FAM169A: variants seen among roughly 807,000 people sequenced by gnomAD.
FAM169A encodes the protein soluble lamin-associated protein of 75 kDa.
Under a neutral mutation model 75.7 loss-of-function variants are expected in FAM169A, and 24 were observed. The ratio of observed to expected loss-of-function variants is 0.32; its 90% confidence interval spans 0.23 to 0.45. The LOEUF (loss-of-function observed/expected upper bound fraction) is 0.45. Ranked by LOEUF, FAM169A falls within the 20% of genes least tolerant of loss-of-function variation. The pLI is 1.00. For missense variants in FAM169A, 673 were observed against 784.0 expected, an observed-to-expected ratio of 0.86 and a Z score of 1.69; for synonymous variants, 271 against 271.0, an observed-to-expected ratio of 1.00 and a Z score of 0.00.
chr5:74,779,257 G>C lies in FAM169A; in HGVS notation c.*2203C>G, dbSNP rs965328020. The C allele has an allele frequency of 6.6e-6, 1 of 152,090 alleles. No individual in the cohort carries two copies. 9.4% of individuals were successfully genotyped at this position (152,090 alleles called of 1,614,324 possible). On this transcript the variant is annotated 3_prime_UTR_variant, in exon 13 of 13. Transcript: ENST00000687041. The stretch of plus-strand genomic sequence containing the variant: ...ACTATATTCACACATCAAGAGTTGA[G>C]CCAGTGAGCTCAATCTTTAAAAAAC...
At chr5:74,810,819 C>CTTT (rs59139246) in intron 6 of FAM169A, among the ~76,000 whole-genome samples, 7 of 115,208 alleles carry the variant, frequency 6.1e-5, no homozygotes, top group Admixed American at 2.9e-4. Context: ...GATATTTGCC[C>CTTT]TTTTTTTTTT....
At chr5:74,827,075 C>CCTT (rs1748068084) in intron 5 of FAM169A, among the ~76,000 whole-genome samples, 1 of 151,960 alleles carries the variant, frequency 6.6e-6, no homozygotes, top group African/African-American at 2.4e-5. Flanking sequence ...GATACTGTGC[C>CCTT]CTTCTCAGTA....
At chr5:74,806,391 TAAATTCTAAAC>T (rs942718101) in intron 6 of FAM169A, among the ~76,000 whole-genome samples, 3 of 152,166 alleles carry the variant, frequency 2.0e-5, no homozygotes, top group African/African-American at 7.2e-5. Context: ...CACATCAACA[TAAATTCTAAAC>T]AAATTCTAAG....
chr5:74,849,309 T>C (rs1749319295), intron 1 of FAM169A, among the ~76,000 whole-genome samples: 1 of 152,190 alleles, frequency 6.6e-6, no homozygotes, highest in Admixed American at 6.6e-5. Context: ...TATATTATTG[T>C]GATTTTTTCC....
rs186011226 is a variant in FAM169A, at chr5:74,804,165, C to T, written c.912+328G>A. 1.5e-3 allele frequency among the ~76,000 whole-genome samples: 227 copies of T among 151,812 alleles called. 2 individuals carry two copies. Among genetic ancestry groups the T allele is most frequent in the Non-Finnish European group, 2.4e-3 (160 of 67,868 alleles). On this transcript the variant is annotated intron_variant, in intron 8 of 12. Transcript: ENST00000687041. ...ATACAGATACATGCTTTATAATATGCGATATTAAATATATATGCAAAAATT... is the reference window on the plus strand; with the variant it reads ...ATACAGATACATGCTTTATAATATGTGATATTAAATATATATGCAAAAATT...
intron 5 of FAM169A, among the ~76,000 whole-genome samples, chr5:74,816,710 T>C (rs1747489775): frequency 6.6e-6 from 1 of 152,346 alleles, no homozygotes; most frequent in Non-Finnish European, 1.5e-5. Flanking sequence ...AAGCAAAAAC[T>C]ATAACCTGCT....
intron 5 of FAM169A, among the ~76,000 whole-genome samples, chr5:74,818,570 GC>G (rs547390121): frequency 2.5e-5 from 2 of 80,786 alleles, no homozygotes; most frequent in Admixed American, 1.3e-4. Context: ...CCCAGACCCC[GC>G]CCCCCCCACC....
intron 5 of FAM169A, among the ~76,000 whole-genome samples, chr5:74,819,997 T>A: frequency 7.0e-6 from 1 of 143,018 alleles, no homozygotes; most frequent in East Asian, 1.9e-4. Flanking sequence ...TGTATCCTTT[T>A]TTTTTTTTTT....
intron 11 of FAM169A, among the ~76,000 whole-genome samples, chr5:74,795,075 T>A (rs960802743): frequency 1.3e-5 from 2 of 151,948 alleles, no homozygotes; most frequent in African/African-American, 4.8e-5. Context: ...CTGGCCAAAG[T>A]GGTGAAACCC....
chr5:74,805,102 A>C, intron 7 of FAM169A, 54 bp downstream of exon 7: 1 of 1,534,024 alleles, frequency 6.5e-7, no homozygotes, highest in Non-Finnish European at 9.0e-7. Flanking sequence ...CAGCAAGGAC[A>C]GGCTACCAAA....
At position 74,816,474 on chromosome 5, in the gene FAM169A, T is replaced by C. The variant is rs139768208; in HGVS notation, c.491-2455A>G. On this transcript the variant is annotated intron_variant, in intron 5 of 12. Transcript: ENST00000687041. ...TGGCCAGTTTATGGAACAAGCAGTG[T>C]GTTCACAACATTTAAATTTCTTCTA... Among the ~76,000 whole-genome samples, 349 of 152,316 alleles carry C rather than the reference T, an allele frequency of 2.3e-3. 1 individual carries two copies. The highest frequency in any genetic ancestry group is 4.2e-3 in the Non-Finnish European group (283 of 68,026).
chr5:74,803,877 G>A (rs1383959711), intron 8 of FAM169A, among the ~76,000 whole-genome samples: 1 of 152,134 alleles, frequency 6.6e-6, no homozygotes, highest in African/African-American at 2.4e-5. Context: ...AAATTTGTAT[G>A]TTAAGATAAG....
intron 10 of FAM169A, among the ~76,000 whole-genome samples, chr5:74,797,966 T>C (rs1048865772): frequency 2.0e-5 from 3 of 152,186 alleles, no homozygotes; most frequent in Admixed American, 1.3e-4. Flanking sequence ...ACAAAAAAAT[T>C]TTATTCACAA....
chr5:74,850,424 T>C (rs16872334), intron 1 of FAM169A, among the ~76,000 whole-genome samples: 3,656 of 152,298 alleles, frequency 0.024, 147 homozygotes, highest in African/African-American at 0.084. Flanking sequence ...AGGAAAATAC[T>C]CCTAGATAAG....
intron 1 of FAM169A, among the ~76,000 whole-genome samples, chr5:74,842,535 CTTTTTTT>C (rs559380991): frequency 2.4e-5 from 2 of 84,632 alleles, no homozygotes; most frequent in Non-Finnish European, 4.9e-5. Flanking sequence ...TAGCTTTTTT[CTTTTTTT>C]TTTTTTTGAG....
chr5:74,840,203 AAC>A, intron 2 of FAM169A, 30 bp from the exon 3 acceptor site: 1 of 1,039,618 alleles, frequency 9.6e-7, no homozygotes, highest in Non-Finnish European at 1.4e-6. Context: ...AAGATTAGTG[AAC>A]AGTCTGTTAA....
At chr5:74,827,475 T>C (rs1404715465) in intron 5 of FAM169A, among the ~76,000 whole-genome samples, 1 of 152,046 alleles carries the variant, frequency 6.6e-6, no homozygotes, top group African/African-American at 2.4e-5. Flanking sequence ...AAGAATATAT[T>C]TGTATATAAA....
At chr5:74,834,862 T>G (rs1384463540) in intron 4 of FAM169A, among the ~76,000 whole-genome samples, 1 of 152,126 alleles carries the variant, frequency 6.6e-6, no homozygotes, top group Admixed American at 6.5e-5. Flanking sequence ...AGGTCCCCAA[T>G]GTACCAATCC....
At chr5:74,850,880 T>C (rs1749406903) in intron 1 of FAM169A, among the ~76,000 whole-genome samples, 1 of 152,154 alleles carries the variant, frequency 6.6e-6, no homozygotes. Flanking sequence ...CCACTTCTTT[T>C]TTTGAAAAAA....
Sources: allele counts gnomAD v4.1 joint callset (sites outside exome capture counted in the v4.1 genomes callset), GRCh38; gene constraint gnomAD v4.1.1; transcripts MANE v1.5; gene names NCBI Gene and HGNC (gene_info 2026-07-23, HGNC 2026-07-21).